The following NCKAP1 variants were observed in gnomAD, a reference collection of about 807,000 sequenced individuals.
NCKAP1 encodes the protein NCK associated protein 1.
NCKAP1 carries 21 observed loss-of-function variants against 151.2 expected under a neutral mutation model. The observed-to-expected ratio is 0.14, with a 90% CI of 0.10 to 0.20. The LOEUF (loss-of-function observed/expected upper bound fraction) is 0.20. NCKAP1 is among the 10% of genes least tolerant of loss of function. The pLI is 1.00. For synonymous variants in NCKAP1, 484 were observed against 451.8 expected, an observed-to-expected ratio of 1.07 and a Z score of -0.90; for missense variants, 933 against 1,352.1, an observed-to-expected ratio of 0.69 and a Z score of 4.86.
intron 12 of NCKAP1, among the ~76,000 whole-genome samples, chr2:182,981,951 A>G (rs1158394777): frequency 6.6e-6 from 1 of 151,390 alleles, no homozygotes; most frequent in African/African-American, 2.4e-5. Context: ...AAAAATAAAC[A>G]GGACATGTTA....
intron 20 of NCKAP1, among the ~76,000 whole-genome samples, chr2:182,956,129 C>G (rs544237528): frequency 6.6e-6 from 1 of 152,306 alleles, no homozygotes; most frequent in South Asian, 2.1e-4. Flanking sequence ...GCAAGTGTGT[C>G]TCCCGGGTTC....
intron 26 of NCKAP1, among the ~76,000 whole-genome samples, chr2:182,934,223 C>T (rs570808216): frequency 5.3e-5 from 8 of 152,022 alleles, no homozygotes; most frequent in East Asian, 3.9e-4. Context: ...CTACACGCTC[C>T]GCCTCCCAGG....
At chr2:182,997,962 T>A (rs536466196) in intron 6 of NCKAP1, among the ~76,000 whole-genome samples, 3 of 152,058 alleles carry the variant, frequency 2.0e-5, no homozygotes, top group Non-Finnish European at 4.4e-5. Context: ...CAGCAGGACA[T>A]CAAAAAGTTA....
chr2:183,025,021 G>A (rs1240140417), intron 1 of NCKAP1: 2 of 1,608,424 alleles, frequency 1.2e-6, no homozygotes, highest in Non-Finnish European at 1.7e-6. Context: ...AATAAAAAGA[G>A]AGAAAATTAC....
chr2:182,916,361 T>G lies in NCKAP1; in HGVS notation c.*9341A>C, dbSNP rs1357871921. On this transcript the variant is annotated 3_prime_UTR_variant, in exon 31 of 31. Transcript: ENST00000361354. ...AGGTCTGTAGCATCTGTCCAGCCACTGGCCTTTCCTAACTTAAAGTAAGAT... is the reference window on the plus strand; with the variant it reads ...AGGTCTGTAGCATCTGTCCAGCCACGGGCCTTTCCTAACTTAAAGTAAGAT... The G allele has an allele frequency of 6.6e-6, 1 of 152,116 alleles. No individual in the cohort carries two copies. Among genetic ancestry groups the G allele is most frequent in the East Asian group, 1.9e-4 (1 of 5,180 alleles). The allele number at this position is 152,116 out of a possible 1,614,324, so 9.4% of individuals were successfully genotyped here.
Position 182,916,136 on chromosome 2 carries a change from T to A in NCKAP1, c.*9566A>T, listed in dbSNP as rs1279110117. The A allele has an allele frequency of 4.1e-5, 5 of 123,420 alleles. No homozygotes were observed. The highest frequency in any genetic ancestry group is 6.6e-5 in the Non-Finnish European group (4 of 60,732). The allele number at this position is 123,420 out of a possible 1,614,324, so 7.6% of individuals were successfully genotyped here. A position where few individuals can be genotyped will look rare whatever the true frequency, so the allele number is the denominator to read the frequency against. The stretch of plus-strand genomic sequence containing the variant: ...CAACTCTCCTTTTCCCTCTGCCATG[T>A]AAGAAGTACCTTGCTTCCCCTTCGC... On this transcript the variant is annotated 3_prime_UTR_variant, in exon 31 of 31. Transcript: ENST00000361354.
At chr2:182,990,754 T>C (rs1005719124) in intron 8 of NCKAP1, among the ~76,000 whole-genome samples, 4 of 152,204 alleles carry the variant, frequency 2.6e-5, no homozygotes, top group Admixed American at 2.6e-4. Context: ...GCAACTATCT[T>C]GACACTTTAA....
chr2:182,915,164 G>A lies in NCKAP1; in HGVS notation c.*10538C>T, dbSNP rs1696447626. On this transcript the variant is annotated 3_prime_UTR_variant, in exon 31 of 31. Coordinates refer to ENST00000361354, the MANE Select transcript of NCKAP1 (RefSeq NM_013436.5). ...CAAAGATACAATGAAGTTAATAAAT[G>A]AAGCAAAGCAGATTTCTAGACTAGG... 6.6e-6 allele frequency: 1 copy of A among 152,210 alleles called. No individual in the cohort carries two copies. Among genetic ancestry groups the A allele is most frequent in the Non-Finnish European group, 1.5e-5 (1 of 68,038 alleles). 9.4% of individuals were successfully genotyped at this position (152,210 alleles called of 1,614,324 possible). A position where few individuals can be genotyped will look rare whatever the true frequency, so the allele number is the denominator to read the frequency against.
At chr2:182,959,763 A>C (rs866361290) in intron 18 of NCKAP1, among the ~76,000 whole-genome samples, 5 of 152,324 alleles carry the variant, frequency 3.3e-5, no homozygotes, top group Middle Eastern at 3.4e-3. Flanking sequence ...GAAGGAAATA[A>C]AGCGCATTCA....
chr2:183,019,640 G>C (rs1050780886), intron 2 of NCKAP1, among the ~76,000 whole-genome samples: 1 of 152,060 alleles, frequency 6.6e-6, no homozygotes, highest in Non-Finnish European at 1.5e-5. Flanking sequence ...AAAATACTTG[G>C]CTTAATCTGA....
At chr2:183,027,295 C>T (rs775484569) in intron 1 of NCKAP1, among the ~76,000 whole-genome samples, 1 of 152,144 alleles carries the variant, frequency 6.6e-6, no homozygotes, top group African/African-American at 2.4e-5. Context: ...TACCTGTAGA[C>T]TTTACGAGAG....
chr2:182,944,960 C>T (rs979429293), intron 23 of NCKAP1, among the ~76,000 whole-genome samples: 28 of 151,946 alleles, frequency 1.8e-4, no homozygotes, highest in African/African-American at 6.5e-4. Context: ...AAAGGCTGGG[C>T]GTGGTGGCTC....
intron 19 of NCKAP1, 29 bp from the exon 20 acceptor site, chr2:182,956,622 G>A: frequency 3.2e-6 from 5 of 1,581,812 alleles, no homozygotes; most frequent in Non-Finnish European, 3.4e-6. Context: ...CAGTTAAAAT[G>A]TTCACATGTC....
chr2:182,961,593 T>C (rs1430857514), intron 18 of NCKAP1, among the ~76,000 whole-genome samples: 2 of 151,520 alleles, frequency 1.3e-5, no homozygotes, highest in Admixed American at 1.3e-4. Flanking sequence ...GTGGGGAAAT[T>C]GGGGAGGGAT....
Position 183,034,957 on chromosome 2 carries a change from T to C in NCKAP1, c.108+3035A>G, listed in dbSNP as rs988337419. ...AGAACTCTCAGTGACAGAATGAAGA[T>C]TGGAATGCAAGTCTCTTAACTTCTG... On this transcript the variant is annotated intron_variant, in intron 1 of 30. Coordinates refer to ENST00000361354, the MANE Select transcript of NCKAP1 (RefSeq NM_013436.5). Among the ~76,000 whole-genome samples, 4 of 152,072 alleles carry C rather than the reference T, an allele frequency of 2.6e-5. No homozygotes were observed. The East Asian group carries it at 7.7e-4, about 29-fold the overall frequency.
At chr2:182,961,624 A>G (rs573192246) in intron 18 of NCKAP1, among the ~76,000 whole-genome samples, 2 of 152,220 alleles carry the variant, frequency 1.3e-5, no homozygotes, top group Non-Finnish European at 1.5e-5. Context: ...GATATACCTA[A>G]TGTTAAATGA....
chr2:182,979,465 A>G (rs1697894405), intron 13 of NCKAP1, among the ~76,000 whole-genome samples: 1 of 152,132 alleles, frequency 6.6e-6, no homozygotes, highest in Non-Finnish European at 1.5e-5. Context: ...GATAAACTGT[A>G]TTTAAAGTGG....
At chr2:183,027,081 T>G (rs992805743) in intron 1 of NCKAP1, among the ~76,000 whole-genome samples, 1 of 152,164 alleles carries the variant, frequency 6.6e-6, no homozygotes. Flanking sequence ...AAGTCTACAT[T>G]TGCTGTAACT....
At chr2:182,962,563 A>G (rs1218273369) in intron 17 of NCKAP1, among the ~76,000 whole-genome samples, 1 of 152,148 alleles carries the variant, frequency 6.6e-6, no homozygotes, top group Non-Finnish European at 1.5e-5. Context: ...TTAATTTTCA[A>G]ATTCCACAAA....
Sources: allele counts gnomAD v4.1 joint callset (sites outside exome capture counted in the v4.1 genomes callset), GRCh38; gene constraint gnomAD v4.1.1; transcripts MANE v1.5; gene names NCBI Gene and HGNC (gene_info 2026-07-23, HGNC 2026-07-21).